SLC5A6: variants seen among roughly 807,000 people sequenced by gnomAD.
The protein encoded by SLC5A6 is sodium-dependent multivitamin transporter.
SLC5A6 carries 31 observed loss-of-function variants against 67.9 expected under a neutral mutation model. The observed-to-expected ratio is 0.46, with a 90% confidence interval of 0.34 to 0.62. SLC5A6 has a LOEUF of 0.62. Among genes scored for constraint, SLC5A6 ranks in the 20% least tolerant of loss-of-function variants. SLC5A6 has a pLI of 0.01. For synonymous variants in SLC5A6, 343 were observed against 331.0 expected (o/e 1.04, Z -0.39); for missense variants, 673 against 812.8 (o/e 0.83, Z 2.09).
rs2148006731 is a variant in SLC5A6, at chr2:27,205,342, A to G, written c.734+8T>C. The G allele has an allele frequency of 6.2e-7, 1 of 1,613,750 alleles. No homozygotes were observed. The highest frequency in any genetic ancestry group is 1.7e-4 in the Middle Eastern group (1 of 6,054). ...GCAGACCCCAGCCAGGAGTAGGGGT[A>G]TACTTACTCAAACCCAGAGATGCGG... On this transcript the variant is annotated splice_region_variant and intron_variant, in intron 7 of 16. Coordinates refer to ENST00000310574, the MANE Select transcript of SLC5A6 (RefSeq NM_021095.4).
upstream of SLC5A6, chr2:27,212,269 G>A (rs1438640604): frequency 1.3e-6 from 2 of 1,555,794 alleles, no homozygotes; most frequent in South Asian, 1.2e-5. Flanking sequence ...CGACTGGACC[G>A]GGCCGCTTAG....
At chr2:27,206,245 A>T in intron 5 of SLC5A6, 152 bp from the exon 6 acceptor site, 1 of 741,414 alleles carries the variant, frequency 1.3e-6, no homozygotes. Context: ...ATGTTTGCAG[A>T]GCTCCACCAA....
rs749877308 is a variant in SLC5A6 at position 27,200,597 on chromosome 2, A to C, written c.1765-18T>G. The C allele has an allele frequency of 6.2e-7, 1 of 1,606,346 alleles. No individual in the cohort carries two copies. Among genetic ancestry groups the C allele is most frequent in the Non-Finnish European group, 8.5e-7 (1 of 1,176,194 alleles). On this transcript the variant is annotated intron_variant, in intron 16 of 16. Coordinates refer to ENST00000310574, the MANE Select transcript of SLC5A6 (RefSeq NM_021095.4). ...AGGTGGTCCTGCAAACACAGAGCCA[A>C]AGGGGTGGAACTGGTGAAGACGGAT...
chr2:27,209,724 G>C lies in SLC5A6; in HGVS notation c.-141+1743C>G, dbSNP rs78948486. ...CTTTTGCCCACTAGGAGAAAGATTAGGCTGCCTTTCCGCTCTCCCACAGTG... is the reference window on the plus strand; with the variant it reads ...CTTTTGCCCACTAGGAGAAAGATTACGCTGCCTTTCCGCTCTCCCACAGTG... On this transcript the variant is annotated intron_variant, in intron 2 of 16. Coordinates refer to ENST00000310574, the MANE Select transcript of SLC5A6 (RefSeq NM_021095.4). 8.3e-4 allele frequency among the ~76,000 whole-genome samples: 126 copies of C among 152,332 alleles called. 4 individuals carry two copies. The East Asian group carries it at 0.023, about 27-fold the overall frequency.
At chr2:27,205,103 G>A (rs1012425226) in intron 7 of SLC5A6, 172 bp from the exon 8 acceptor site, 2 of 768,038 alleles carry the variant, frequency 2.6e-6, no homozygotes, top group African/African-American at 1.7e-5. Context: ...CCAGTTAGAG[G>A]GAGGCTCCAT....
At chr2:27,212,616 C>G, upstream of SLC5A6, 5 of 1,423,974 alleles carry the variant, frequency 3.5e-6, no homozygotes, top group Non-Finnish European at 3.7e-6. Context: ...AGGTCCTGTT[C>G]CCAAGTACTC....
chr2:27,205,550 C>A (rs1673997016), intron 6 of SLC5A6, 46 bp from the exon 7 acceptor site: 1 of 1,605,924 alleles, frequency 6.2e-7, no homozygotes, highest in African/African-American at 1.3e-5. Flanking sequence ...CTTCTAAACC[C>A]AGCTTGTCCA....
At position 27,204,508 on chromosome 2, in the gene SLC5A6, G is replaced by A; in HGVS notation, c.958C>T (p.Gln320Ter). 6.2e-7 allele frequency: 1 copy of A among 1,613,980 alleles called. No homozygotes were observed. Residue 320 changes from glutamine to a stop codon, truncating the protein, a stop_gained, in exon 9 of 17, where the codon CAG (glutamine) becomes TAG (stop). Transcript: ENST00000310574. LOFTEE classifies it high-confidence loss of function. ...TGCTGAATGCTCATGGGATACTCCT[G>A]GTAATACGCGAACATGACCAGGCCA... ...LIGLVMFAYY[Q>*]EYPMSIQQAQ...
At position 27,207,680 on chromosome 2, in the gene SLC5A6, G is replaced by A. The variant is rs201156158; in HGVS notation, c.-30C>T. ...TCACTGTGTCTGTGATCTGCAGCCA[G>A]TTGCTGCTCCAGGGCTCTGGGGTAG... On this transcript the variant is annotated 5_prime_UTR_variant, in exon 3 of 17. Transcript: ENST00000310574. The surrounding 1 kb of genome is among the most constrained non-coding windows in gnomAD (Gnocchi z 5.5). 6.3e-7 allele frequency: 1 copy of A among 1,588,152 alleles called. No homozygotes were observed. Among genetic ancestry groups the A allele is most frequent in the Non-Finnish European group, 8.6e-7 (1 of 1,163,638 alleles).
At position 27,206,923 on chromosome 2, in the gene SLC5A6, T is replaced by C. The variant is rs764603727; in HGVS notation, c.413A>G (p.Asn138Ser). The C allele has an allele frequency of 2.5e-6, 4 of 1,613,784 alleles. No individual in the cohort carries two copies. The highest frequency in any genetic ancestry group is 3.4e-6 in the Non-Finnish European group (4 of 1,179,784). The change falls in exon 4 of 17, where the codon AAT (asparagine) becomes AGT (serine). Residue 138 changes from asparagine (N) to serine (S), a missense_variant. Coordinates refer to ENST00000310574, the MANE Select transcript of SLC5A6 (RefSeq NM_021095.4). ...AGTTCCACACACTCGCACAGTTTTA[T>C]TGAATCGAAGCTCCAGGTACTGGGT... ...SAYEYLELRFNKTVRVCGTVT... is the reference protein window; with the variant it reads ...SAYEYLELRFSKTVRVCGTVT...
At chr2:27,201,319 G>T in intron 15 of SLC5A6, 31 bp downstream of exon 15, 2 of 1,428,226 alleles carry the variant, frequency 1.4e-6, no homozygotes, top group Non-Finnish European at 2.0e-6. Flanking sequence ...ACCCCTCGGT[G>T]CTCATCTGCA....
chr2:27,205,888 T>C, intron 6 of SLC5A6, 138 bp downstream of exon 6: 1 of 698,582 alleles, frequency 1.4e-6, no homozygotes, highest in Non-Finnish European at 2.5e-6. Context: ...CTAAATCCTA[T>C]CATAAATCTT....
chr2:27,212,272 C>T (rs1371130753), upstream of SLC5A6: 12 of 1,555,178 alleles, frequency 7.7e-6, no homozygotes, highest in Non-Finnish European at 1.0e-5. Context: ...CTGGACCGGG[C>T]CGCTTAGGCC....
At position 27,205,489 on chromosome 2, in the gene SLC5A6, C is replaced by T. The variant is rs1572391990; in HGVS notation, c.595G>A (p.Val199Ile). Residue 199 changes from valine (V) to isoleucine (I), a missense_variant, in exon 7 of 17, where the codon GTC becomes ATC. Coordinates refer to ENST00000310574, the MANE Select transcript of SLC5A6 (RefSeq NM_021095.4). ...GTCTGGAACACATCTGTCCAGATGA[C>T]GGCCTTCAGCCCACCCTGCAAGGAA... ...VYTALGGLKA[V>I]IWTDVFQTLV... 5 of 1,614,050 alleles carry T rather than the reference C, an allele frequency of 3.1e-6. No individual in the cohort carries two copies. Among genetic ancestry groups the T allele is most frequent in the Non-Finnish European group, 3.4e-6 (4 of 1,180,018 alleles).
intron 2 of SLC5A6, among the ~76,000 whole-genome samples, chr2:27,210,884 C>T (rs1248224262): frequency 2.0e-5 from 3 of 151,962 alleles, no homozygotes; most frequent in Non-Finnish European, 4.4e-5. Flanking sequence ...ATTAGCCAGG[C>T]GTGGTGGCAG....
Position 27,207,146 on chromosome 2 carries a change from TC to T in SLC5A6, c.393+111del, listed in dbSNP as rs928750321. 1.7e-6 allele frequency: 2 copies of T among 1,183,250 alleles called. No individual in the cohort carries two copies. The highest frequency in any genetic ancestry group is 2.5e-6 in the Non-Finnish European group (2 of 814,956). 73.3% of individuals were successfully genotyped at this position (1,183,250 alleles called of 1,614,324 possible). On this transcript the variant is annotated intron_variant, in intron 3 of 16. Transcript: ENST00000310574. This position sits in a 1 kb window ranked among gnomAD's most constrained non-coding sequence, Gnocchi z 5.5. ...TTATAAACACACAATGAGTTTTCTG[TC>T]CCTCTCATTAGGTGGAGGAGGTCTA...
At chr2:27,212,578 C>G, upstream of SLC5A6, 1 of 1,467,544 alleles carries the variant, frequency 6.8e-7, no homozygotes. Flanking sequence ...CTGATTTCGT[C>G]CCTGACGCTT....
chr2:27,202,783 A>C lies in SLC5A6; in HGVS notation c.1275+30T>G, dbSNP rs749345545. ...TTCAATCAATTCCTTCTCTCCCTTA[A>C]AATTGCTTCCTACCCTCTATAGTTA... On this transcript the variant is annotated intron_variant, in intron 12 of 16. Coordinates refer to ENST00000310574, the MANE Select transcript of SLC5A6 (RefSeq NM_021095.4). The C allele has an allele frequency of 6.3e-7, 1 of 1,592,262 alleles. No individual in the cohort carries two copies. Among genetic ancestry groups the C allele is most frequent in the Non-Finnish European group, 8.6e-7 (1 of 1,160,540 alleles).
chr2:27,212,453 C>T, upstream of SLC5A6: 1 of 1,563,312 alleles, frequency 6.4e-7, no homozygotes, highest in Non-Finnish European at 8.7e-7. Flanking sequence ...GGAAAGGGCT[C>T]TGGCGCTACC....
Sources: allele counts gnomAD v4.1 joint callset (sites outside exome capture counted in the v4.1 genomes callset), GRCh38; gene constraint gnomAD v4.1.1; non-coding constraint Gnocchi (gnomAD v3.1); transcripts MANE v1.5; gene names NCBI Gene and HGNC (gene_info 2026-07-23, HGNC 2026-07-21).